The following RBMS3 variants were observed in gnomAD, a reference collection of about 807,000 sequenced individuals.
RBMS3 encodes the protein RNA-binding motif, single-stranded-interacting protein 3.
A neutral mutation model predicts 66.8 loss-of-function variants in RBMS3; 27 were observed. The ratio of observed to expected loss-of-function variants is 0.40; its 90% CI spans 0.30 to 0.56. The LOEUF (loss-of-function observed/expected upper bound fraction) is 0.56. RBMS3 is among the 20% of genes least tolerant of loss of function. RBMS3 has a pLI of 0.40. For missense variants in RBMS3, 513 were observed against 549.5 expected (o/e 0.93, Z 0.66); for synonymous variants, 188 against 183.0 (o/e 1.03, Z -0.22).
At chr3:29,439,542 G>A (rs1275652236) in intron 2 of RBMS3, among the ~76,000 whole-genome samples, 4 of 152,114 alleles carry the variant, frequency 2.6e-5, no homozygotes, top group Admixed American at 6.5e-5. Flanking sequence ...AAAAGAAACA[G>A]CAAAGTAGCA....
chr3:29,448,077 C>T (rs2041894176), intron 2 of RBMS3, among the ~76,000 whole-genome samples: 1 of 152,136 alleles, frequency 6.6e-6, no homozygotes, highest in South Asian at 2.1e-4. Flanking sequence ...AAACAAGAGA[C>T]ATAATCTATG....
intron 10 of RBMS3, among the ~76,000 whole-genome samples, chr3:29,917,334 C>A (rs1351187906): frequency 6.6e-6 from 1 of 152,042 alleles, no homozygotes; most frequent in Non-Finnish European, 1.5e-5. Context: ...TGGCGATGTC[C>A]TTCCTTCAAG....
At chr3:29,831,648 T>C (rs1439882436) in intron 6 of RBMS3, among the ~76,000 whole-genome samples, 2 of 152,118 alleles carry the variant, frequency 1.3e-5, no homozygotes, top group Admixed American at 1.3e-4. Context: ...AACAAATATT[T>C]CAAAATTCAT....
intron 6 of RBMS3, among the ~76,000 whole-genome samples, chr3:29,846,416 G>A (rs542052175): frequency 6.6e-6 from 1 of 152,114 alleles, no homozygotes; most frequent in African/African-American, 2.4e-5. Context: ...TGTGATGAAG[G>A]CTGGGGAAAG....
At chr3:29,964,307 TG>T (rs146019481) in intron 12 of RBMS3, among the ~76,000 whole-genome samples, 12,519 of 152,184 alleles carry the variant, frequency 0.082, 689 homozygotes, top group Non-Finnish European at 0.12. Context: ...ATTAAATGAA[TG>T]GTATGTAGAG....
At chr3:29,917,973 T>C (rs774026992) in intron 10 of RBMS3, among the ~76,000 whole-genome samples, 2 of 152,100 alleles carry the variant, frequency 1.3e-5, no homozygotes, top group East Asian at 1.9e-4. Flanking sequence ...TATATAATAT[T>C]GTATATACTA....
At chr3:29,658,735 TGAAG>T (rs2050414898) in intron 4 of RBMS3, among the ~76,000 whole-genome samples, 1 of 152,248 alleles carries the variant, frequency 6.6e-6, no homozygotes, top group Non-Finnish European at 1.5e-5. Flanking sequence ...TAAGAGCCAG[TGAAG>T]TAAGAGTAAT....
chr3:29,362,122 C>A (rs1174154988), intron 1 of RBMS3, among the ~76,000 whole-genome samples: 3 of 152,222 alleles, frequency 2.0e-5, no homozygotes, highest in Non-Finnish European at 4.4e-5. Context: ...AGGAGAGGCG[C>A]TCTGATTTTT....
At chr3:29,998,058 A>T (rs1357335221) in intron 14 of RBMS3, among the ~76,000 whole-genome samples, 1 of 152,240 alleles carries the variant, frequency 6.6e-6, no homozygotes, top group African/African-American at 2.4e-5. Context: ...GCTGATAAGC[A>T]ACTTCAGCAA....
At chr3:29,333,754 A>G (rs2035797916) in intron 1 of RBMS3, among the ~76,000 whole-genome samples, 1 of 152,172 alleles carries the variant, frequency 6.6e-6, no homozygotes, top group African/African-American at 2.4e-5. Context: ...ATCTTTAACA[A>G]GTAAGAACAG....
At chr3:29,848,688 C>T (rs1242171252) in intron 6 of RBMS3, among the ~76,000 whole-genome samples, 1 of 152,104 alleles carries the variant, frequency 6.6e-6, no homozygotes, top group Non-Finnish European at 1.5e-5. Context: ...CCCTCTGCAT[C>T]TGTGTGTTTG....
At chr3:29,668,512 GA>G (rs201353659) in intron 4 of RBMS3, among the ~76,000 whole-genome samples, 15 of 149,380 alleles carry the variant, frequency 1.0e-4, no homozygotes, top group Admixed American at 2.7e-4. Context: ...TAGAAGCCAA[GA>G]AAAAAAAAAT....
intron 4 of RBMS3, among the ~76,000 whole-genome samples, chr3:29,642,301 C>CT (rs1230356500): frequency 6.6e-6 from 1 of 151,892 alleles, no homozygotes; most frequent in African/African-American, 2.4e-5. Flanking sequence ...AGCTTTCCAC[C>CT]TTTGTTATAT....
chr3:29,461,746 ACTT>A (rs1462718557), intron 2 of RBMS3, among the ~76,000 whole-genome samples: 2 of 148,472 alleles, frequency 1.3e-5, no homozygotes, highest in Non-Finnish European at 3.0e-5. Flanking sequence ...CTGAGTCTCT[ACTT>A]CTTTCTCTCT....
At chr3:29,574,674 A>T (rs929651704) in intron 3 of RBMS3, among the ~76,000 whole-genome samples, 19 of 151,052 alleles carry the variant, frequency 1.3e-4, no homozygotes, top group Non-Finnish European at 7.4e-5. Flanking sequence ...AGTGAATGTG[A>T]TTTTCTCTGA....
intron 6 of RBMS3, among the ~76,000 whole-genome samples, chr3:29,813,540 G>A (rs968689592): frequency 6.6e-6 from 1 of 152,032 alleles, no homozygotes; most frequent in Non-Finnish European, 1.5e-5. Context: ...GCTTGATGGG[G>A]ATGGCATTGC....
chr3:29,448,322 G>A (rs1208984839), intron 2 of RBMS3, among the ~76,000 whole-genome samples: 1 of 152,208 alleles, frequency 6.6e-6, no homozygotes, highest in Non-Finnish European at 1.5e-5. Flanking sequence ...ATCCTGAACT[G>A]ATAATGAATG....
At chr3:29,363,512 G>T (rs1437632167) in intron 1 of RBMS3, among the ~76,000 whole-genome samples, 1 of 152,102 alleles carries the variant, frequency 6.6e-6, no homozygotes. Flanking sequence ...ACTATTTGCC[G>T]GGCGTGGTGG....
At chr3:29,701,940 C>T (rs190682930) in intron 4 of RBMS3, among the ~76,000 whole-genome samples, 87 of 152,306 alleles carry the variant, frequency 5.7e-4, no homozygotes, top group African/African-American at 2.1e-3. Flanking sequence ...CGGTGTGGGA[C>T]TGGTGGGCAG....
Sources: gnomAD v4.1 joint callset for allele counts (sites outside exome capture counted in the v4.1 genomes callset) on GRCh38, gnomAD v4.1.1 for gene constraint, MANE v1.5 for transcripts, NCBI Gene and HGNC (gene_info 2026-07-23, HGNC 2026-07-21) for gene names.